The following NRXN3 variants were observed in gnomAD, a reference collection of about 807,000 sequenced individuals.
NRXN3 encodes the protein neurexin III.
Under a neutral mutation model 137.6 loss-of-function variants are expected in NRXN3, and 32 were observed. That is an observed-to-expected ratio of 0.23 (90% CI 0.18 to 0.31). The LOEUF (loss-of-function observed/expected upper bound fraction) is 0.31, where lower values mean the gene tolerates loss of function less well. Ranked by LOEUF, NRXN3 falls within the 10% of genes least tolerant of loss-of-function variation. The pLI is 1.00. For missense variants in NRXN3, 1,574 were observed against 2,062.5 expected (o/e 0.76, Z 4.59); for synonymous variants, 798 against 784.5 (o/e 1.02, Z -0.29).
At chr14:79,606,525 C>T (rs2098020070) in intron 16 of NRXN3, among the ~76,000 whole-genome samples, 1 of 152,182 alleles carries the variant, frequency 6.6e-6, no homozygotes, top group Admixed American at 6.5e-5. Context: ...CTCATTTCAA[C>T]CAGGATGGAC....
intron 16 of NRXN3, among the ~76,000 whole-genome samples, chr14:79,523,800 C>A (rs554891530): frequency 6.6e-6 from 1 of 152,278 alleles, no homozygotes; most frequent in Non-Finnish European, 1.5e-5. Flanking sequence ...AGACCCAGAG[C>A]AGATTAATAG....
intron 16 of NRXN3, chr14:79,633,193 A>C (rs1475436036): frequency 6.6e-6 from 1 of 152,126 alleles, no homozygotes; most frequent in Non-Finnish European, 1.5e-5. Context: ...GTCGCAGGAG[A>C]ACTAGCTTGA....
At chr14:78,543,429 A>C (rs1179519428) in intron 4 of NRXN3, among the ~76,000 whole-genome samples, 1 of 152,198 alleles carries the variant, frequency 6.6e-6, no homozygotes, top group Non-Finnish European at 1.5e-5. Flanking sequence ...CAATTGTTGC[A>C]GAAGTGTTTT....
chr14:79,694,332 A>G lies in NRXN3; in HGVS notation c.3706+2070A>G, dbSNP rs1053228700. 3.3e-5 allele frequency among the ~76,000 whole-genome samples: 5 copies of G among 152,054 alleles called. No homozygotes were observed. In the South Asian group the frequency reaches 1.0e-3, roughly 31 times the overall value. ...GTGCAACACTGACTGGAGACATGCAAAGATTTAATTTAAGCAGTATGTGAA... is the reference window on the plus strand; with the variant it reads ...GTGCAACACTGACTGGAGACATGCAGAGATTTAATTTAAGCAGTATGTGAA... On this transcript the variant is annotated intron_variant, in intron 18 of 20. Coordinates refer to ENST00000335750, the MANE Select transcript of NRXN3 (RefSeq NM_001330195.2).
intron 19 of NRXN3, among the ~76,000 whole-genome samples, chr14:79,712,848 G>GA (rs1275428659): frequency 6.6e-6 from 1 of 152,136 alleles, no homozygotes; most frequent in Non-Finnish European, 1.5e-5. Flanking sequence ...CGTCATGCTG[G>GA]AAAATCCCTG....
At chr14:79,831,327 A>G (rs554739772) in intron 20 of NRXN3, among the ~76,000 whole-genome samples, 4 of 152,190 alleles carry the variant, frequency 2.6e-5, no homozygotes, top group African/African-American at 9.6e-5. Flanking sequence ...TCACATGAGA[A>G]TTGGTCACGT....
At chr14:79,271,982 A>G (rs2079403688) in intron 15 of NRXN3, among the ~76,000 whole-genome samples, 1 of 152,222 alleles carries the variant, frequency 6.6e-6, no homozygotes, top group Non-Finnish European at 1.5e-5. Context: ...GTTCAAAGTC[A>G]TATAGCCAGT....
At chr14:79,490,712 A>T (rs1365141219) in intron 16 of NRXN3, among the ~76,000 whole-genome samples, 1 of 151,958 alleles carries the variant, frequency 6.6e-6, no homozygotes, top group African/African-American at 2.4e-5. Context: ...GTTAATGAGT[A>T]TTAAAAAAAA....
intron 20 of NRXN3, among the ~76,000 whole-genome samples, chr14:79,857,933 C>G (rs763981719): frequency 1.8e-4 from 27 of 152,072 alleles, no homozygotes; most frequent in Non-Finnish European, 3.1e-4. Context: ...TCGCTGCTAC[C>G]GAGATTAATA....
At chr14:79,376,210 GTATGTATATATATATATA>G (rs1332678812) in intron 15 of NRXN3, among the ~76,000 whole-genome samples, 12 of 40,794 alleles carry the variant, frequency 2.9e-4, no homozygotes, top group African/African-American at 8.1e-4. Context: ...GTGTGTGTGT[GTATGTATATATATATATA>G]TATATATATA....
intron 15 of NRXN3, among the ~76,000 whole-genome samples, chr14:79,056,711 T>C (rs2099664694): frequency 6.6e-6 from 1 of 152,146 alleles, no homozygotes. Context: ...CTGGGGAATT[T>C]TCAGTGTAAG....
chr14:79,044,097 GTTTGT>G (rs1313213299), intron 15 of NRXN3, among the ~76,000 whole-genome samples: 2 of 152,194 alleles, frequency 1.3e-5, no homozygotes, highest in African/African-American at 2.4e-5. Context: ...CAGTGATGGA[GTTTGT>G]ACTCTTTGAA....
intron 15 of NRXN3, among the ~76,000 whole-genome samples, chr14:79,291,799 A>C (rs2153460664): frequency 6.6e-6 from 1 of 151,894 alleles, no homozygotes; most frequent in South Asian, 2.1e-4. Context: ...GGTGGGAAAA[A>C]ATTTCAAAGT....
chr14:78,955,125 C>A (rs747989762), intron 10 of NRXN3, among the ~76,000 whole-genome samples: 1 of 152,188 alleles, frequency 6.6e-6, no homozygotes, highest in Non-Finnish European at 1.5e-5. Context: ...GTACTTGTAG[C>A]AGTTCTGCCT....
At chr14:79,302,327 C>A (rs1471327662) in intron 15 of NRXN3, among the ~76,000 whole-genome samples, 2 of 152,074 alleles carry the variant, frequency 1.3e-5, no homozygotes, top group Middle Eastern at 6.8e-3. Flanking sequence ...GTTTATTGGG[C>A]TCATGGTTTT....
intron 15 of NRXN3, among the ~76,000 whole-genome samples, chr14:79,355,108 A>T (rs1388465168): frequency 6.6e-6 from 1 of 152,202 alleles, no homozygotes; most frequent in Non-Finnish European, 1.5e-5. Flanking sequence ...GTTATTAGCA[A>T]AAAGGAAAAT....
chr14:78,246,498 T>A (rs1191071210), intron 2 of NRXN3, among the ~76,000 whole-genome samples: 1 of 152,142 alleles, frequency 6.6e-6, no homozygotes, highest in Non-Finnish European at 1.5e-5. Context: ...GTAAATAAAC[T>A]GCCGTAACAG....
intron 17 of NRXN3, among the ~76,000 whole-genome samples, chr14:79,667,549 T>G (rs931964513): frequency 1.3e-5 from 2 of 152,052 alleles, no homozygotes; most frequent in Non-Finnish European, 2.9e-5. Context: ...GCACTGGCTC[T>G]TTCTTTGTGA....
At chr14:78,684,688 G>A (rs1218076512) in intron 6 of NRXN3, among the ~76,000 whole-genome samples, 1 of 152,138 alleles carries the variant, frequency 6.6e-6, no homozygotes, top group African/African-American at 2.4e-5. Context: ...CAGCTACTTA[G>A]GAGGCTGAGG....
Sources: allele counts gnomAD v4.1 joint callset (sites outside exome capture counted in the v4.1 genomes callset), GRCh38; gene constraint gnomAD v4.1.1; transcripts MANE v1.5; gene names NCBI Gene and HGNC (gene_info 2026-07-23, HGNC 2026-07-21).